The following IPCEF1 variants were observed in gnomAD, a reference collection of about 807,000 sequenced individuals.
IPCEF1 encodes the protein interactor protein for cytohesin exchange factors 1.
Under a neutral mutation model 50.9 loss-of-function variants are expected in IPCEF1, and 31 were observed. The observed-to-expected ratio is 0.61, with a 90% CI of 0.46 to 0.82. The LOEUF (loss-of-function observed/expected upper bound fraction) is 0.82. Ranked by LOEUF, IPCEF1 falls within the 40% of genes least tolerant of loss-of-function variation. The pLI, the probability that IPCEF1 is intolerant of heterozygous loss-of-function variation, is 0.00. For synonymous variants in IPCEF1, 181 were observed against 192.0 expected, an observed-to-expected ratio of 0.94 and a Z score of 0.47; for missense variants, 458 against 514.0, an observed-to-expected ratio of 0.89 and a Z score of 1.05.
rs750146167 is a variant in IPCEF1, at chr6:154,199,661, G to C, written c.910+7C>G. 7.6e-6 allele frequency: 12 copies of C among 1,585,884 alleles called. No homozygotes were observed. Among genetic ancestry groups the C allele is most frequent in the Non-Finnish European group, 8.6e-6 (10 of 1,166,278 alleles). On this transcript the variant is annotated splice_region_variant and intron_variant, in intron 10 of 11. Transcript: ENST00000367220. Reference sequence around the variant, plus strand: ...TCTAACGAAGAATAAATAATTTATTGGTTTACCTTTGTCCATGATCTTTGA... The same window carrying C: ...TCTAACGAAGAATAAATAATTTATTCGTTTACCTTTGTCCATGATCTTTGA...
At chr6:154,226,115 G>A (rs971120319) in intron 5 of IPCEF1, among the ~76,000 whole-genome samples, 2 of 152,128 alleles carry the variant, frequency 1.3e-5, no homozygotes, top group Admixed American at 1.3e-4. Flanking sequence ...GAGTTCACTA[G>A]AGTTCTGTCC....
At chr6:154,354,388 T>C (rs1444890230) in intron 1 of IPCEF1, among the ~76,000 whole-genome samples, 2 of 78,194 alleles carry the variant, frequency 2.6e-5, no homozygotes, top group African/African-American at 5.8e-5. Context: ...ACCTCCACCG[T>C]CACCTCCAAC....
At chr6:154,307,327 C>T (rs913060769) in intron 1 of IPCEF1, among the ~76,000 whole-genome samples, 1 of 152,174 alleles carries the variant, frequency 6.6e-6, no homozygotes, top group Admixed American at 6.6e-5. Context: ...TGCACAAGCT[C>T]TCTCTTTGCC....
intron 11 of IPCEF1, among the ~76,000 whole-genome samples, chr6:154,162,075 T>C (rs1799072532): frequency 6.6e-6 from 1 of 152,204 alleles, no homozygotes; most frequent in African/African-American, 2.4e-5. Context: ...ACGAACTACA[T>C]GGATGCAAAT....
intron 1 of IPCEF1, among the ~76,000 whole-genome samples, chr6:154,297,008 C>T (rs867140569): frequency 3.9e-5 from 6 of 152,070 alleles, no homozygotes; most frequent in Admixed American, 1.3e-4. Flanking sequence ...TGCTTCCCCA[C>T]TGGTCCAAAG....
chr6:154,257,211 C>T (rs13202830), intron 3 of IPCEF1, among the ~76,000 whole-genome samples: 43,764 of 152,044 alleles, frequency 0.29, 6,792 homozygotes, highest in Admixed American at 0.46. Flanking sequence ...TGTGTCATCT[C>T]AGGCAGTGAT....
At position 154,251,032 on chromosome 6, in the gene IPCEF1, G is replaced by A. The variant is rs541925320; in HGVS notation, c.37-3544C>T. On this transcript the variant is annotated intron_variant, in intron 3 of 11. Transcript: ENST00000367220. ...AGAAACCCCTGACATCTCCACAAAC[G>A]TTTTTTATCCTTCCCAGAAAAATAG... is the stretch of plus-strand genomic sequence containing the variant. 3.9e-5 allele frequency among the ~76,000 whole-genome samples: 6 copies of A among 152,052 alleles called. No homozygotes were observed. In the South Asian group the frequency reaches 1.0e-3, roughly 26 times the overall value.
intron 6 of IPCEF1, 196 bp downstream of exon 6, chr6:154,222,974 T>G (rs1306591714): frequency 3.3e-6 from 2 of 598,964 alleles, no homozygotes; most frequent in African/African-American, 1.9e-5. Context: ...ATCCATCTGC[T>G]CCACAAAACG....
chr6:154,168,178 C>A lies in IPCEF1; in HGVS notation c.911-65G>T. The A allele has an allele frequency of 7.9e-7, 1 of 1,263,856 alleles. No homozygotes were observed. Among genetic ancestry groups the A allele is most frequent in the South Asian group, 1.7e-5 (1 of 60,346 alleles). 78.3% of individuals were successfully genotyped at this position (1,263,856 alleles called of 1,614,324 possible). On this transcript the variant is annotated intron_variant, in intron 10 of 11. Transcript: ENST00000367220. The surrounding 1 kb of genome is among the most constrained non-coding windows in gnomAD (Gnocchi z 4.1). ...AGTGAAAAATCAAGGAGAGAACATTCAATACTGTGGTCCCAAGGCACGGCC... is the reference window on the plus strand; with the variant it reads ...AGTGAAAAATCAAGGAGAGAACATTAAATACTGTGGTCCCAAGGCACGGCC...
intron 1 of IPCEF1, among the ~76,000 whole-genome samples, chr6:154,322,029 C>A (rs1783395337): frequency 6.6e-6 from 1 of 151,792 alleles, no homozygotes; most frequent in African/African-American, 2.4e-5. Flanking sequence ...GTGTGGTTAC[C>A]CAAGCTTAAC....
At chr6:154,234,832 T>C (rs948968628) in intron 5 of IPCEF1, among the ~76,000 whole-genome samples, 2 of 152,244 alleles carry the variant, frequency 1.3e-5, no homozygotes, top group Non-Finnish European at 2.9e-5. Flanking sequence ...AATTACCTTC[T>C]GAAATGTAAT....
chr6:154,169,601 C>T (rs116833761), intron 10 of IPCEF1, among the ~76,000 whole-genome samples: 1 of 152,276 alleles, frequency 6.6e-6, no homozygotes, highest in African/African-American at 2.4e-5. Context: ...AGAGAAGAAA[C>T]CTGTCTGTGG....
chr6:154,283,288 T>C (rs1583943977), intron 2 of IPCEF1, among the ~76,000 whole-genome samples: 1 of 59,204 alleles, frequency 1.7e-5, no homozygotes. Context: ...TGAAACTCCA[T>C]CTCAAAAAAA....
At chr6:154,234,084 T>C (rs1779928549) in intron 5 of IPCEF1, among the ~76,000 whole-genome samples, 1 of 152,166 alleles carries the variant, frequency 6.6e-6, no homozygotes, top group East Asian at 1.9e-4. Context: ...TATGTGCACC[T>C]GTGGCCTCAA....
intron 5 of IPCEF1, among the ~76,000 whole-genome samples, chr6:154,232,969 CTTTTT>C (rs780567029): frequency 7.4e-6 from 1 of 134,614 alleles, no homozygotes; most frequent in Non-Finnish European, 1.6e-5. Flanking sequence ...TTTTTCTTTT[CTTTTT>C]TTTTTTTTTT....
chr6:154,295,197 C>CAA (rs112352662), intron 1 of IPCEF1, among the ~76,000 whole-genome samples: 4 of 144,440 alleles, frequency 2.8e-5, no homozygotes, highest in African/African-American at 1.0e-4. Context: ...GACACCATCT[C>CAA]AAAAAAAAAA....
intron 1 of IPCEF1, among the ~76,000 whole-genome samples, chr6:154,333,765 A>G (rs1783728765): frequency 6.6e-6 from 1 of 151,502 alleles, no homozygotes. Context: ...ATATATGTGT[A>G]TATATGTATG....
At chr6:154,305,682 G>A (rs1782913800) in intron 1 of IPCEF1, among the ~76,000 whole-genome samples, 1 of 152,182 alleles carries the variant, frequency 6.6e-6, no homozygotes, top group Non-Finnish European at 1.5e-5. Context: ...AGTGGACTGG[G>A]AGAGGCAGAC....
chr6:154,280,759 G>A (rs577086779), intron 2 of IPCEF1, among the ~76,000 whole-genome samples: 1 of 152,320 alleles, frequency 6.6e-6, no homozygotes, highest in African/African-American at 2.4e-5. Context: ...GTACAAGAGG[G>A]GATTCGGGAT....
Sources: allele counts gnomAD v4.1 joint callset (sites outside exome capture counted in the v4.1 genomes callset), GRCh38; gene constraint gnomAD v4.1.1; non-coding constraint Gnocchi (gnomAD v3.1); transcripts MANE v1.5; gene names NCBI Gene and HGNC (gene_info 2026-07-23, HGNC 2026-07-21).